ACTN2: variants seen among roughly 807,000 people sequenced by gnomAD.
ACTN2 encodes the protein alpha-actinin-2.
In ACTN2, 39 loss-of-function variants were observed where a neutral mutation model predicts 113.8. The ratio of observed to expected loss-of-function variants is 0.34; its 90% CI spans 0.27 to 0.45. ACTN2 has a LOEUF of 0.45. ACTN2 is among the 20% of genes least tolerant of loss of function. The pLI is 1.00. For synonymous variants in ACTN2, 429 were observed against 444.1 expected (o/e 0.97, Z 0.43); for missense variants, 992 against 1,177.9 (o/e 0.84, Z 2.31).
chr1:236,758,697 G>A (rs965728829), intron 18 of ACTN2, among the ~76,000 whole-genome samples: 6 of 151,224 alleles, frequency 4.0e-5, no homozygotes, highest in African/African-American at 1.5e-4. Context: ...TCAGCTCCCT[G>A]CAACCTCCAC....
intron 6 of ACTN2, among the ~76,000 whole-genome samples, chr1:236,728,940 T>C (rs2994383): frequency 0.4 from 60,191 of 151,580 alleles, 12,949 homozygotes; most frequent in East Asian, 0.55. Context: ...GAAAAAGATA[T>C]CAATGTCCTT....
intron 4 of ACTN2, among the ~76,000 whole-genome samples, chr1:236,723,100 T>G (rs1658449518): frequency 6.6e-6 from 1 of 152,180 alleles, no homozygotes; most frequent in Non-Finnish European, 1.5e-5. Context: ...TTTTAAGGTG[T>G]TGTAGATATA....
chr1:236,746,344 A>T (rs752152880), intron 12 of ACTN2, among the ~76,000 whole-genome samples: 4 of 152,080 alleles, frequency 2.6e-5, no homozygotes, highest in Non-Finnish European at 4.4e-5. Context: ...CTGAATGAAA[A>T]AGGTGATTAA....
intron 11 of ACTN2, among the ~76,000 whole-genome samples, chr1:236,743,600 T>A (rs1275144511): frequency 6.6e-6 from 1 of 151,310 alleles, no homozygotes; most frequent in East Asian, 1.9e-4. Context: ...TCTCCTGGAC[T>A]AAATAGTCCT....
intron 14 of ACTN2, among the ~76,000 whole-genome samples, chr1:236,749,938 C>T (rs150169670): frequency 2.1e-4 from 32 of 152,300 alleles, no homozygotes; most frequent in African/African-American, 3.1e-4. Flanking sequence ...ACTTTGCAAA[C>T]GTGTGCATAT....
At chr1:236,695,563 T>TCTCCC (rs1657467279) in intron 1 of ACTN2, among the ~76,000 whole-genome samples, 7 of 100,792 alleles carry the variant, frequency 6.9e-5, no homozygotes, top group Admixed American at 1.1e-4. Context: ...TGAAATGAGT[T>TCTCCC]CCCCCCCCCT....
intron 11 of ACTN2, among the ~76,000 whole-genome samples, 191 bp from the exon 12 acceptor site, chr1:236,744,435 A>G (rs2102929477): frequency 6.6e-6 from 1 of 152,300 alleles, no homozygotes; most frequent in East Asian, 1.9e-4. Flanking sequence ...AAAACTGAGA[A>G]GGGGCTGGGG....
At chr1:236,715,243 G>T (rs541501779) in intron 1 of ACTN2, among the ~76,000 whole-genome samples, 14 of 150,102 alleles carry the variant, frequency 9.3e-5, no homozygotes, top group Non-Finnish European at 1.3e-4. Flanking sequence ...TGCCATGTTG[G>T]TGTGCTGCAC....
rs553376413 is a variant in ACTN2, at chr1:236,758,480, G to A, written c.2301+848G>A. ...TTTTTTTTTTTTTTTCAGTAGAGACGGGGTTTCGCCATGTTAGGCAGGATG... is the reference window on the plus strand; with the variant it reads ...TTTTTTTTTTTTTTTCAGTAGAGACAGGGTTTCGCCATGTTAGGCAGGATG... On this transcript the variant is annotated intron_variant, in intron 18 of 20. Coordinates refer to ENST00000366578, the MANE Select transcript of ACTN2 (RefSeq NM_001103.4). 6.5e-3 allele frequency among the ~76,000 whole-genome samples: 935 copies of A among 143,344 alleles called. 11 individuals carry two copies. The highest frequency in any genetic ancestry group is 0.024 in the Middle Eastern group (6 of 252). The allele number at this position is 143,344 out of a possible 152,430, so 94.0% of individuals were successfully genotyped here. A position where few individuals can be genotyped will look rare whatever the true frequency, so the allele number is the denominator to read the frequency against.
At chr1:236,725,859 T>C in intron 4 of ACTN2, 74 bp from the exon 5 acceptor site, 2 of 1,415,496 alleles carry the variant, frequency 1.4e-6, no homozygotes, top group Non-Finnish European at 1.0e-6. Flanking sequence ...GGAGGTCTGT[T>C]TCAAAAGTGA....
At chr1:236,709,255 T>TATATATAC (rs796606511) in intron 1 of ACTN2, among the ~76,000 whole-genome samples, 60 of 68,898 alleles carry the variant, frequency 8.7e-4, no homozygotes, top group East Asian at 1.5e-3. Flanking sequence ...TATATATATA[T>TATATATAC]ACACACACAC....
At chr1:236,702,057 G>A (rs1044030584) in intron 1 of ACTN2, among the ~76,000 whole-genome samples, 1 of 152,182 alleles carries the variant, frequency 6.6e-6, no homozygotes, top group African/African-American at 2.4e-5. Context: ...TGCAGTCCTA[G>A]GATAGGGCAG....
At chr1:236,689,130 G>A (rs996215613) in intron 1 of ACTN2, among the ~76,000 whole-genome samples, 3 of 152,058 alleles carry the variant, frequency 2.0e-5, no homozygotes, top group African/African-American at 4.8e-5. Flanking sequence ...GCATGAGTGC[G>A]AATAGGCGTT....
At chr1:236,691,568 C>G (rs1332874403) in intron 1 of ACTN2, among the ~76,000 whole-genome samples, 2 of 151,820 alleles carry the variant, frequency 1.3e-5, no homozygotes, top group Non-Finnish European at 2.9e-5. Flanking sequence ...TCATTTGAGC[C>G]CAGGAGTTTG....
intron 1 of ACTN2, among the ~76,000 whole-genome samples, chr1:236,716,490 T>C (rs1301815984): frequency 3.9e-5 from 6 of 152,286 alleles, no homozygotes; most frequent in African/African-American, 1.2e-4. Flanking sequence ...AGAATAACTT[T>C]AGATGTCACT....
chr1:236,724,635 G>A (rs1427612448), intron 4 of ACTN2, among the ~76,000 whole-genome samples: 3 of 152,164 alleles, frequency 2.0e-5, no homozygotes, highest in Non-Finnish European at 4.4e-5. Context: ...CGTCGCATAG[G>A]GGTGTCTCAG....
chr1:236,748,708 A>G (rs1659306611), intron 13 of ACTN2, among the ~76,000 whole-genome samples: 1 of 152,168 alleles, frequency 6.6e-6, no homozygotes, highest in South Asian at 2.1e-4. Flanking sequence ...AAAGGCACAC[A>G]ACTTCTCTGC....
chr1:236,713,017 T>C (rs761732314), intron 1 of ACTN2, among the ~76,000 whole-genome samples: 1 of 151,840 alleles, frequency 6.6e-6, no homozygotes, highest in Non-Finnish European at 1.5e-5. Context: ...AAAATTCCTT[T>C]AAAGTAATTT....
chr1:236,695,556 A>G (rs1657465366), intron 1 of ACTN2, among the ~76,000 whole-genome samples: 1 of 72,994 alleles, frequency 1.4e-5, no homozygotes, highest in African/African-American at 4.5e-5. Context: ...TTTGATTTGA[A>G]ATGAGTTCCC....
Sources: allele counts gnomAD v4.1 joint callset (sites outside exome capture counted in the v4.1 genomes callset), GRCh38; gene constraint gnomAD v4.1.1; transcripts MANE v1.5; gene names NCBI Gene and HGNC (gene_info 2026-07-23, HGNC 2026-07-21).